MCF2L2: variants seen among roughly 807,000 people sequenced by gnomAD.
MCF2L2 encodes the protein MCF.2 cell line derived transforming sequence-like 2, also known as probable guanine nucleotide exchange factor MCF2L2.
MCF2L2 carries 102 observed loss-of-function variants against 150.2 expected under a neutral mutation model. The ratio of observed to expected loss-of-function variants is 0.68; its 90% CI spans 0.58 to 0.80. The LOEUF (loss-of-function observed/expected upper bound fraction) is 0.80, where lower values mean the gene tolerates loss of function less well. Among genes scored for constraint, MCF2L2 ranks in the 30% least tolerant of loss-of-function variants. The probability of loss-of-function intolerance (pLI) is 0.00; values close to 1 mark genes in which losing one functional copy is unlikely to be tolerated. For missense variants in MCF2L2, 1,256 were observed against 1,372.8 expected (o/e 0.91, Z 1.34); for synonymous variants, 465 against 491.3 (o/e 0.95, Z 0.71).
intron 15 of MCF2L2, among the ~76,000 whole-genome samples, chr3:183,273,578 A>G (rs1006010874): frequency 2.0e-5 from 3 of 152,168 alleles, no homozygotes; most frequent in Non-Finnish European, 4.4e-5. Flanking sequence ...TTCTTTCCTA[A>G]TGTAGTCATG....
intron 1 of MCF2L2, among the ~76,000 whole-genome samples, chr3:183,393,192 CTTTTTT>C (rs11390628): frequency 2.6e-4 from 34 of 132,020 alleles, no homozygotes; most frequent in African/African-American, 9.4e-4. Flanking sequence ...AAACTTGTCT[CTTTTTT>C]TTTTTTTTTT....
intron 10 of MCF2L2, among the ~76,000 whole-genome samples, chr3:183,308,194 C>T (rs1031523780): frequency 3.9e-5 from 6 of 152,126 alleles, no homozygotes; most frequent in Non-Finnish European, 7.3e-5. Context: ...TCTGGCTCAC[C>T]GCTGCACCCA....
chr3:183,336,867 AT>A (rs1730505385), intron 5 of MCF2L2, among the ~76,000 whole-genome samples: 11 of 126,504 alleles, frequency 8.7e-5, no homozygotes, highest in African/African-American at 2.6e-4. Context: ...AAAAAAAAAT[AT>A]ATATATATAT....
At chr3:183,214,095 A>G (rs556944119) in intron 22 of MCF2L2, among the ~76,000 whole-genome samples, 2 of 152,338 alleles carry the variant, frequency 1.3e-5, no homozygotes, top group African/African-American at 4.8e-5. Context: ...CTTTTCTCAC[A>G]GCCTCCTCCT....
chr3:183,301,046 C>T (rs1728821770), intron 10 of MCF2L2, among the ~76,000 whole-genome samples: 1 of 146,868 alleles, frequency 6.8e-6, no homozygotes, highest in African/African-American at 2.5e-5. Context: ...AAGAAATATG[C>T]TTGTCTAAAC....
At chr3:183,324,171 G>A (rs1209656433) in intron 5 of MCF2L2, among the ~76,000 whole-genome samples, 1 of 152,192 alleles carries the variant, frequency 6.6e-6, no homozygotes, top group Admixed American at 6.5e-5. Flanking sequence ...GAATATTGAT[G>A]TGTCCCTACT....
At chr3:183,266,849 C>T (rs941191757) in intron 15 of MCF2L2, among the ~76,000 whole-genome samples, 9 of 151,288 alleles carry the variant, frequency 5.9e-5, no homozygotes, top group Non-Finnish European at 7.4e-5. Context: ...TGCAGTGGCA[C>T]GATCTCGGCT....
intron 15 of MCF2L2, among the ~76,000 whole-genome samples, chr3:183,245,921 A>G (rs1724232342): frequency 6.6e-6 from 1 of 152,196 alleles, no homozygotes; most frequent in African/African-American, 2.4e-5. Flanking sequence ...TTTGTCTTAC[A>G]TTAATAGGAT....
At chr3:183,211,014 G>C (rs1722698969) in intron 22 of MCF2L2, among the ~76,000 whole-genome samples, 1 of 152,092 alleles carries the variant, frequency 6.6e-6, no homozygotes, top group African/African-American at 2.4e-5. Context: ...GGGGCTGTGA[G>C]ATGCTTTAGG....
chr3:183,187,110 A>G, intron 27 of MCF2L2, among the ~76,000 whole-genome samples: 1 of 152,208 alleles, frequency 6.6e-6, no homozygotes, highest in East Asian at 1.9e-4. Context: ...TTGAAATACT[A>G]GAGTGCCCCA....
At chr3:183,371,533 T>A (rs1712882210) in intron 3 of MCF2L2, among the ~76,000 whole-genome samples, 1 of 149,410 alleles carries the variant, frequency 6.7e-6, no homozygotes, top group South Asian at 2.1e-4. Flanking sequence ...AGTGGGGTGA[T>A]CTCAGCTCAC....
chr3:183,400,409 C>T (rs1340882171), intron 1 of MCF2L2: 2 of 456,632 alleles, frequency 4.4e-6, no homozygotes, highest in Non-Finnish European at 8.8e-6. Context: ...GATAGGCCCT[C>T]ATCTCTGCCT....
intron 3 of MCF2L2, among the ~76,000 whole-genome samples, chr3:183,356,869 A>T (rs1711816753): frequency 6.6e-6 from 1 of 152,234 alleles, no homozygotes; most frequent in South Asian, 2.1e-4. Flanking sequence ...CAGTAATCTC[A>T]GACTGTTGAA....
chr3:183,190,110 C>T lies in MCF2L2; in HGVS notation c.3016+2889G>A, dbSNP rs538092965. Among the ~76,000 whole-genome samples the T allele has an allele frequency of 5.3e-5, 8 of 152,350 alleles. No individual in the cohort carries two copies. In the South Asian group the frequency reaches 1.2e-3, roughly 24 times the overall value. On this transcript the variant is annotated intron_variant, in intron 27 of 29. Transcript: ENST00000328913. ...TTACTTTCTCCCTTCAGTGCATCAA[C>T]GGGAGGCTCTTAGCAACAGCCTCCC... is the stretch of plus-strand genomic sequence containing the variant.
At chr3:183,231,716 C>T (rs1486082278) in intron 15 of MCF2L2, among the ~76,000 whole-genome samples, 1 of 152,004 alleles carries the variant, frequency 6.6e-6, no homozygotes, top group African/African-American at 2.4e-5. Flanking sequence ...GCCTTTGCCT[C>T]CCAAACTGCT....
intron 8 of MCF2L2, among the ~76,000 whole-genome samples, 191 bp downstream of exon 8, chr3:183,311,457 G>A (rs377221601): frequency 7.2e-5 from 11 of 152,274 alleles, no homozygotes; most frequent in African/African-American, 2.6e-4. Flanking sequence ...GGAATAGAAT[G>A]CTCATAAAAA....
chr3:183,219,439 C>T (rs960807639), intron 21 of MCF2L2, among the ~76,000 whole-genome samples: 2 of 152,100 alleles, frequency 1.3e-5, no homozygotes, highest in East Asian at 3.9e-4. Flanking sequence ...GGCGAAACCC[C>T]GTCTCTACTA....
chr3:183,300,748 G>A (rs1728799119), intron 10 of MCF2L2, among the ~76,000 whole-genome samples: 1 of 152,086 alleles, frequency 6.6e-6, no homozygotes, highest in Admixed American at 6.5e-5. Context: ...TGGGCGTGGT[G>A]GCTCCCACCT....
intron 22 of MCF2L2, among the ~76,000 whole-genome samples, chr3:183,208,633 T>G (rs943542690): frequency 6.6e-6 from 1 of 152,230 alleles, no homozygotes; most frequent in Non-Finnish European, 1.5e-5. Context: ...TTTCAAAACT[T>G]CGATTGCTTA....
Sources: gnomAD v4.1 joint callset for allele counts (sites outside exome capture counted in the v4.1 genomes callset) on GRCh38, gnomAD v4.1.1 for gene constraint, MANE v1.5 for transcripts, NCBI Gene and HGNC (gene_info 2026-07-23, HGNC 2026-07-21) for gene names.